TFB2M: variants seen among roughly 807,000 people sequenced by gnomAD.
TFB2M encodes the protein dimethyladenosine transferase 2, mitochondrial.
TFB2M carries 44 observed loss-of-function variants against 41.3 expected under a neutral mutation model. That is an observed-to-expected ratio of 1.07 (90% confidence interval 0.84 to 1.37). TFB2M has a LOEUF of 1.37. Among genes scored for constraint, TFB2M ranks in the 40% most tolerant of loss-of-function variants. The probability of loss-of-function intolerance (pLI) is 0.00; values close to 1 mark genes in which losing one functional copy is unlikely to be tolerated. For missense variants in TFB2M, 496 were observed against 490.2 expected (o/e 1.01, Z -0.11); for synonymous variants, 188 against 176.8 (o/e 1.06, Z -0.50).
chr1:246,551,270 C>G lies in TFB2M; in HGVS notation c.738G>C (p.Leu246Phe), dbSNP rs760598863. ...KLMADPGNPDLYHVLSVIWQL... is the reference protein window; with the variant it reads ...KLMADPGNPDFYHVLSVIWQL... ...GCCAGATAACACTTAATACATGATA[C>G]AAGTCTGGATTTCCGGGATCTGCCA... is the stretch of plus-strand genomic sequence containing the variant. Residue 246 changes from leucine to phenylalanine, a missense_variant, in exon 5 of 8, where the codon TTG (leucine) becomes TTC (phenylalanine). Leu to Phe is a conservative substitution (Grantham distance 22, BLOSUM62 0). Transcript: ENST00000366514. 6.2e-7 allele frequency: 1 copy of G among 1,613,806 alleles called. No homozygotes were observed. Among genetic ancestry groups the G allele is most frequent in the Non-Finnish European group, 8.5e-7 (1 of 1,179,702 alleles).
intron 6 of TFB2M, among the ~76,000 whole-genome samples, chr1:246,545,812 G>GAAAAAAAAA: frequency 1.9e-5 from 1 of 52,726 alleles, no homozygotes; most frequent in African/African-American, 6.1e-5. Context: ...ACCCTGATTC[G>GAAAAAAAAA]AAAAAAAAAA....
At position 246,541,047 on chromosome 1, in the gene TFB2M, G is replaced by A. The variant is rs1479060497; in HGVS notation, c.1175C>T (p.Thr392Ile). 2.5e-6 allele frequency: 4 copies of A among 1,611,278 alleles called. No individual in the cohort carries two copies. The highest frequency in any genetic ancestry group is 1.1e-5 in the South Asian group (1 of 90,564). ...DCAYKWLYDETLEDR is the reference protein window; with the variant it reads ...DCAYKWLYDEILEDR ...GTCTAGTTGCTACCTATCTTCCAGG[G>A]TTTCATCATACAGCCATTTATAAGC... The change falls in exon 8 of 8, where the codon ACC (threonine) becomes ATC (isoleucine). Residue 392 changes from threonine to isoleucine, a missense_variant. Thr to Ile is a moderately conservative substitution (Grantham distance 89). Coordinates refer to ENST00000366514, the MANE Select transcript of TFB2M (RefSeq NM_022366.3).
In TFB2M at chr1:246,541,092, A is replaced by G. The variant is rs191942736; in HGVS notation, c.1130T>C (p.Ile377Thr). 4 of 1,614,188 alleles carry G rather than the reference A, an allele frequency of 2.5e-6. No individual in the cohort carries two copies. Among genetic ancestry groups the G allele is most frequent in the Admixed American group, 1.7e-5 (1 of 60,026 alleles). The change falls in exon 8 of 8, where the codon ATA (isoleucine) becomes ACA (threonine). Residue 377 changes from isoleucine to threonine, a missense_variant. Transcript: ENST00000366514. ...ATAAGCACAATCTTTGGAACGCTCTATAGTTTCAAAAAGTGTTTTGAAGTC... is the reference window on the plus strand; with the variant it reads ...ATAAGCACAATCTTTGGAACGCTCTGTAGTTTCAAAAAGTGTTTTGAAGTC... ...PQDFKTLFET[I>T]ERSKDCAYKW...
In TFB2M at chr1:246,564,439, C is replaced by A. The variant is rs762838364; in HGVS notation, c.314-5G>T. ...CCTGAGTCAGGATTCCAGGACCTGG[C>A]ACATTAACAGAACGAAAAGTTTATT... On this transcript the variant is annotated splice_polypyrimidine_tract_variant and splice_region_variant and intron_variant, in intron 1 of 7. Transcript: ENST00000366514. 3.1e-6 allele frequency: 5 copies of A among 1,613,136 alleles called. No homozygotes were observed. Among genetic ancestry groups the A allele is most frequent in the African/African-American group, 1.3e-5 (1 of 74,892 alleles).
chr1:246,541,039 C>T lies in TFB2M; in HGVS notation c.1183G>A (p.Asp395Asn). 6.2e-7 allele frequency: 1 copy of T among 1,610,482 alleles called. No individual in the cohort carries two copies. The highest frequency in any genetic ancestry group is 8.5e-7 in the Non-Finnish European group (1 of 1,178,306). ...AAACGACAGTCTAGTTGCTACCTATCTTCCAGGGTTTCATCATACAGCCAT... is the reference window on the plus strand; with the variant it reads ...AAACGACAGTCTAGTTGCTACCTATTTTCCAGGGTTTCATCATACAGCCAT... Reference protein sequence around the residue: ...YKWLYDETLEDR With the variant: ...YKWLYDETLENR Residue 395 changes from aspartate (D) to asparagine (N), a missense_variant, in exon 8 of 8, where the codon GAT becomes AAT. By Grantham distance (23) the Asp-to-Asn change is conservative (BLOSUM62 1). Coordinates refer to ENST00000366514, the MANE Select transcript of TFB2M (RefSeq NM_022366.3).
At chr1:246,542,855 A>G (rs1658899509) in intron 7 of TFB2M, among the ~76,000 whole-genome samples, 1 of 146,612 alleles carries the variant, frequency 6.8e-6, no homozygotes, top group East Asian at 2.0e-4. Flanking sequence ...AAAATAATAG[A>G]TTGCCTTTTA....
chr1:246,544,917 T>A (rs560001302), intron 6 of TFB2M, among the ~76,000 whole-genome samples: 30 of 152,232 alleles, frequency 2.0e-4, no homozygotes, highest in Middle Eastern at 3.4e-3. Flanking sequence ...GCCATTCTCC[T>A]GCCTCAGCCT....
intron 2 of TFB2M, among the ~76,000 whole-genome samples, chr1:246,563,830 T>C (rs553339393): frequency 1.3e-5 from 2 of 152,364 alleles, no homozygotes; most frequent in East Asian, 3.9e-4. Flanking sequence ...ATCCCCAAGA[T>C]ATCTCATTAT....
chr1:246,553,785 A>C (rs1342421983), intron 4 of TFB2M, among the ~76,000 whole-genome samples: 1 of 152,236 alleles, frequency 6.6e-6, no homozygotes, highest in Non-Finnish European at 1.5e-5. Context: ...CACCCAAAGC[A>C]ATCTCCAGAT....
intron 7 of TFB2M, among the ~76,000 whole-genome samples, chr1:246,543,356 C>A (rs1032243499): frequency 1.3e-5 from 2 of 152,172 alleles, no homozygotes; most frequent in African/African-American, 4.8e-5. Flanking sequence ...TATGCATCAG[C>A]CCTACATACA....
intron 6 of TFB2M, among the ~76,000 whole-genome samples, chr1:246,546,983 A>ACACACACACACACCC (rs764498048): frequency 7.9e-6 from 1 of 127,180 alleles, no homozygotes; most frequent in Non-Finnish European, 1.7e-5. Context: ...ACACACACAC[A>ACACACACACACACCC]TTTTTTTTTT....
chr1:246,544,826 G>T, intron 6 of TFB2M, 145 bp from the exon 7 acceptor site: 1 of 682,812 alleles, frequency 1.5e-6, no homozygotes, highest in Non-Finnish European at 2.3e-6. Flanking sequence ...CTTTCTTGGA[G>T]ATAGAGTCTC....
chr1:246,544,920 C>T (rs1267926218), intron 6 of TFB2M, among the ~76,000 whole-genome samples: 2 of 152,152 alleles, frequency 1.3e-5, no homozygotes, highest in Non-Finnish European at 2.9e-5. Context: ...ATTCTCCTGC[C>T]TCAGCCTCCC....
Position 246,544,615 on chromosome 1 carries a change from T to C in TFB2M, c.925A>G (p.Thr309Ala), listed in dbSNP as rs758293603. ...TAGTTCATAGGTGTTAAGTTCTTGG[T>C]AAATAAATTTTGACGAGGAATCATT... ...IQMIPRQNLF[T>A]KNLTPMNYNI... Residue 309 changes from threonine (T) to alanine (A), a missense_variant, in exon 7 of 8, where the codon ACC (threonine) becomes GCC (alanine). Coordinates refer to ENST00000366514, the MANE Select transcript of TFB2M (RefSeq NM_022366.3). 34 of 1,610,084 alleles carry C rather than the reference T, an allele frequency of 2.1e-5. No homozygotes were observed. Among genetic ancestry groups the C allele is most frequent in the Non-Finnish European group, 2.7e-5 (32 of 1,179,090 alleles).
intron 2 of TFB2M, among the ~76,000 whole-genome samples, chr1:246,560,580 T>C (rs560656446): frequency 5.1e-4 from 77 of 152,360 alleles, no homozygotes; most frequent in African/African-American, 1.6e-3. Context: ...AATACACTTG[T>C]ATGTTCTGAG....
At chr1:246,548,787 G>C (rs1395728086) in intron 5 of TFB2M, among the ~76,000 whole-genome samples, 180 bp from the exon 6 acceptor site, 1 of 152,104 alleles carries the variant, frequency 6.6e-6, no homozygotes, top group Non-Finnish European at 1.5e-5. Flanking sequence ...TTTTAAAGAG[G>C]AGGAGGATCA....
rs1373214745 is a variant in TFB2M, at chr1:246,566,082, G to T, written c.57C>A (p.Gly19=). 6.2e-7 allele frequency: 1 copy of T among 1,613,008 alleles called. No homozygotes were observed. The highest frequency in any genetic ancestry group is 2.2e-5 in the East Asian group (1 of 44,864). The change falls in exon 1 of 8, where the codon GGC becomes GGA. Residue 19 remains glycine (G), a synonymous_variant. Transcript: ENST00000366514. ...ACCCTAAAATGCAAAAGCGACCAGC[G>T]CCCGCCAAGGCGGAGAGCCTCAGCC... is the stretch of plus-strand genomic sequence containing the variant. ...PRRLRLSALA[G]AGRFCILGSE... is the part of the protein sequence containing the mutation.
At position 246,565,946 on chromosome 1, in the gene TFB2M, ACGCCTTC is replaced by A; in HGVS notation, c.186_192del (p.Arg62SerfsTer6). ...CGCTTAAAGTCTAAGCTGGCCTTAG[ACGCCTTC>A]CTTGGCGGATTCCTGAAATCCGGTT... On this transcript the variant is annotated frameshift_variant, in exon 1 of 8. Coordinates refer to ENST00000366514, the MANE Select transcript of TFB2M (RefSeq NM_022366.3). LOFTEE classifies it high-confidence loss of function. The A allele has an allele frequency of 6.2e-7, 1 of 1,614,080 alleles. No individual in the cohort carries two copies. Among genetic ancestry groups the A allele is most frequent in the Non-Finnish European group, 8.5e-7 (1 of 1,180,026 alleles).
At chr1:246,545,065 C>T (rs1222226838) in intron 6 of TFB2M, among the ~76,000 whole-genome samples, 2 of 147,470 alleles carry the variant, frequency 1.4e-5, no homozygotes, top group African/African-American at 2.5e-5. Flanking sequence ...TCGGCCTCCC[C>T]AAAGTGCTGG....
Sources: gnomAD v4.1 joint callset for allele counts (sites outside exome capture counted in the v4.1 genomes callset) on GRCh38, gnomAD v4.1.1 for gene constraint, MANE v1.5 for transcripts, NCBI Gene and HGNC (gene_info 2026-07-23, HGNC 2026-07-21) for gene names.